TMEM132C: variants seen among roughly 807,000 people sequenced by gnomAD.
TMEM132C encodes protein phosphatase 1, regulatory subunit 152.
In TMEM132C, 29 loss-of-function variants were observed where a neutral mutation model predicts 61.4. The observed-to-expected ratio is 0.47, with a 90% CI of 0.35 to 0.64. The LOEUF is 0.64. TMEM132C is among the 30% of genes least tolerant of loss of function. The pLI is 0.00. For synonymous variants in TMEM132C, 656 were observed against 633.1 expected, an observed-to-expected ratio of 1.04 and a Z score of -0.54; for missense variants, 1,408 against 1,476.9, an observed-to-expected ratio of 0.95 and a Z score of 0.76.
chr12:128,505,372 G>GT (rs1260304996), intron 2 of TMEM132C, among the ~76,000 whole-genome samples: 1 of 152,162 alleles, frequency 6.6e-6, no homozygotes, highest in Admixed American at 6.5e-5. Context: ...GGCATCTCTA[G>GT]TGTCAGTGTG....
At chr12:128,682,556 C>T (rs1954644324) in intron 5 of TMEM132C, among the ~76,000 whole-genome samples, 1 of 152,224 alleles carries the variant, frequency 6.6e-6, no homozygotes, top group Non-Finnish European at 1.5e-5. Context: ...TGAGAGGCCT[C>T]AGCACTGCTG....
intron 4 of TMEM132C, among the ~76,000 whole-genome samples, chr12:128,619,665 G>A (rs866386089): frequency 2.6e-5 from 4 of 152,196 alleles, no homozygotes; most frequent in Non-Finnish European, 5.9e-5. Flanking sequence ...TCCTCCCTGC[G>A]CTGTCCCCAC....
intron 3 of TMEM132C, among the ~76,000 whole-genome samples, chr12:128,555,718 T>TTTTTG: frequency 6.6e-6 from 1 of 151,770 alleles, no homozygotes; most frequent in African/African-American, 2.4e-5. Flanking sequence ...CTAACTTTTT[T>TTTTTG]TTTTTTTTTT....
intron 4 of TMEM132C, among the ~76,000 whole-genome samples, chr12:128,653,888 T>C (rs555335773): frequency 6.6e-6 from 1 of 152,296 alleles, no homozygotes; most frequent in Non-Finnish European, 1.5e-5. Flanking sequence ...ACTGGGGGGC[T>C]TGGCTGTCCG....
At chr12:128,377,923 A>G (rs892498255) in intron 1 of TMEM132C, among the ~76,000 whole-genome samples, 4 of 151,862 alleles carry the variant, frequency 2.6e-5, no homozygotes, top group South Asian at 4.2e-4. Context: ...GATGTTTCCA[A>G]CTCTGTATCT....
At chr12:128,648,095 A>G (rs1452063077) in intron 4 of TMEM132C, among the ~76,000 whole-genome samples, 2 of 151,552 alleles carry the variant, frequency 1.3e-5, no homozygotes, top group Non-Finnish European at 2.9e-5. Flanking sequence ...AGATCCCATC[A>G]GCATTGGATG....
chr12:128,463,312 T>C (rs923695779), intron 2 of TMEM132C, among the ~76,000 whole-genome samples: 5 of 152,074 alleles, frequency 3.3e-5, no homozygotes, highest in Admixed American at 3.3e-4. Flanking sequence ...CAAAAACTCA[T>C]GCTTCTCTTT....
intron 1 of TMEM132C, among the ~76,000 whole-genome samples, chr12:128,363,419 A>G (rs769120174): frequency 3.9e-5 from 6 of 152,140 alleles, no homozygotes; most frequent in Non-Finnish European, 5.9e-5. Flanking sequence ...TGCACAATCT[A>G]TGTAACCGGC....
intron 3 of TMEM132C, among the ~76,000 whole-genome samples, chr12:128,608,647 C>T (rs1490401528): frequency 1.3e-5 from 2 of 152,180 alleles, no homozygotes; most frequent in Admixed American, 6.5e-5. Flanking sequence ...CTGTGTACAG[C>T]AGTAATTCTC....
intron 2 of TMEM132C, among the ~76,000 whole-genome samples, chr12:128,425,853 C>A (rs12812946): frequency 0.14 from 20,606 of 152,092 alleles, 1,474 homozygotes; most frequent in South Asian, 0.2. Flanking sequence ...TTGAGACCCA[C>A]CCTCATCCAG....
At chr12:128,441,411 C>T (rs1343676768) in intron 2 of TMEM132C, among the ~76,000 whole-genome samples, 4 of 152,226 alleles carry the variant, frequency 2.6e-5, no homozygotes, top group Non-Finnish European at 4.4e-5. Context: ...TGCTACAAGG[C>T]GATGGCTTAG....
chr12:128,596,955 A>C (rs12310855), intron 3 of TMEM132C, among the ~76,000 whole-genome samples: 2,648 of 152,298 alleles, frequency 0.017, 91 homozygotes, highest in African/African-American at 0.06. Context: ...TTTTCTGTTA[A>C]GGATGCTTTC....
intron 2 of TMEM132C, among the ~76,000 whole-genome samples, chr12:128,471,391 CTG>C (rs200908375): frequency 0.017 from 2,627 of 152,258 alleles, 81 homozygotes; most frequent in African/African-American, 0.061. Flanking sequence ...CCCCTAGTTG[CTG>C]CTCAAAGAAT....
At chr12:128,620,369 T>C (rs1953952461) in intron 4 of TMEM132C, among the ~76,000 whole-genome samples, 2 of 151,892 alleles carry the variant, frequency 1.3e-5, no homozygotes, top group Non-Finnish European at 2.9e-5. Flanking sequence ...CCTGCAGGTA[T>C]ACTCTAGTGG....
intron 5 of TMEM132C, among the ~76,000 whole-genome samples, chr12:128,685,867 T>C (rs1319302814): frequency 6.6e-6 from 1 of 152,220 alleles, no homozygotes; most frequent in Non-Finnish European, 1.5e-5. Flanking sequence ...ATAAATATAA[T>C]AGTGCCCTCC....
rs144936263 is a variant in TMEM132C, at chr12:128,552,815, G to A, written c.1121+8712G>A. 3.0e-3 allele frequency among the ~76,000 whole-genome samples: 459 copies of A among 152,278 alleles called. 2 individuals carry two copies. Among genetic ancestry groups the A allele is most frequent in the African/African-American group, 0.011 (450 of 41,554 alleles). On this transcript the variant is annotated intron_variant, in intron 3 of 8. Coordinates refer to ENST00000435159, the MANE Select transcript of TMEM132C (RefSeq NM_001136103.3). ...CCCAGCTACTCAGGAGGCTAAGGCAGGAGAATGGCTTGAACCCAGGAGGCG... is the reference window on the plus strand; with the variant it reads ...CCCAGCTACTCAGGAGGCTAAGGCAAGAGAATGGCTTGAACCCAGGAGGCG...
intron 1 of TMEM132C, among the ~76,000 whole-genome samples, chr12:128,338,678 T>G (rs1226524503): frequency 1.3e-5 from 2 of 151,638 alleles, no homozygotes; most frequent in African/African-American, 4.9e-5. Context: ...CTTTTGGCTG[T>G]CTGTGACTAT....
chr12:128,288,526 C>T (rs2135906064), intron 1 of TMEM132C: 1 of 152,316 alleles, frequency 6.6e-6, no homozygotes, highest in South Asian at 2.1e-4. Flanking sequence ...TAGAGTTCTG[C>T]CACTGAGTTT....
intron 1 of TMEM132C, among the ~76,000 whole-genome samples, chr12:128,335,557 G>A (rs958907503): frequency 6.6e-6 from 1 of 152,192 alleles, no homozygotes; most frequent in Non-Finnish European, 1.5e-5. Context: ...CAGCACTCCT[G>A]CCTGAATAAC....
Sources: gnomAD v4.1 joint callset for allele counts (sites outside exome capture counted in the v4.1 genomes callset) on GRCh38, gnomAD v4.1.1 for gene constraint, MANE v1.5 for transcripts, NCBI Gene and HGNC (gene_info 2026-07-23, HGNC 2026-07-21) for gene names.